The following IFT122 variants were observed in gnomAD, a reference collection of about 807,000 sequenced individuals.
IFT122 encodes the protein intraflagellar transport 122, also known as intraflagellar transport protein 122 homolog.
A neutral mutation model predicts 161.6 loss-of-function variants in IFT122; 118 were observed. The ratio of observed to expected loss-of-function variants is 0.73; its 90% confidence interval spans 0.63 to 0.85. IFT122 has a LOEUF of 0.85. Ranked by LOEUF, IFT122 falls within the 40% of genes least tolerant of loss-of-function variation. The probability of loss-of-function intolerance (pLI) is 0.00; values close to 1 mark genes in which losing one functional copy is unlikely to be tolerated. For synonymous variants in IFT122, 550 were observed against 602.4 expected, an observed-to-expected ratio of 0.91 and a Z score of 1.27; for missense variants, 1,381 against 1,579.6, an observed-to-expected ratio of 0.87 and a Z score of 2.13.
At chr3:129,452,536 C>T (rs2074970381) in intron 3 of IFT122, among the ~76,000 whole-genome samples, 1 of 151,964 alleles carries the variant, frequency 6.6e-6, no homozygotes, top group Non-Finnish European at 1.5e-5. Flanking sequence ...CAGTGGGCAT[C>T]GGGGGGAAGA....
At chr3:129,477,923 A>C in intron 11 of IFT122, 93 bp from the exon 12 acceptor site, 11 of 951,138 alleles carry the variant, frequency 1.2e-5, no homozygotes, top group African/African-American at 1.6e-5. Context: ...TTTAATTGCC[A>C]GTAGCGCTAA....
chr3:129,509,494 C>T (rs541225539), intron 23 of IFT122, among the ~76,000 whole-genome samples: 2 of 152,260 alleles, frequency 1.3e-5, no homozygotes, highest in South Asian at 2.1e-4. Flanking sequence ...AATGCGTTGT[C>T]GATGTTACGA....
chr3:129,481,586 A>G lies in IFT122; in HGVS notation c.1545A>G (p.Thr515=). The G allele has an allele frequency of 1.3e-6, 2 of 1,585,622 alleles. No individual in the cohort carries two copies. The highest frequency in any genetic ancestry group is 2.2e-5 in the East Asian group (1 of 44,732). The change falls in exon 14 of 30, where the codon ACA becomes ACG. Residue 515 remains threonine, a synonymous_variant. Coordinates refer to ENST00000348417, the MANE Select transcript of IFT122 (RefSeq NM_052989.3). Reference sequence around the variant, plus strand: ...CTATCGTCCTGCTGAAGCAGGCCACAGCTGTGCGCTGCTTGGACATGAGTG... The same window carrying G: ...CTATCGTCCTGCTGAAGCAGGCCACGGCTGTGCGCTGCTTGGACATGAGTG... ...LFAIVLLKQA[T]AVRCLDMSAS... is the part of the protein sequence containing the mutation.
chr3:129,516,307 C>G (rs558623841), intron 26 of IFT122, among the ~76,000 whole-genome samples: 1,300 of 119,148 alleles, frequency 0.011, 11 homozygotes, highest in Non-Finnish European at 0.014. Flanking sequence ...CACACACACA[C>G]AGAGACTGCC....
chr3:129,448,316 A>G (rs1202568025), intron 1 of IFT122, among the ~76,000 whole-genome samples: 3 of 152,216 alleles, frequency 2.0e-5, no homozygotes, highest in Non-Finnish European at 4.4e-5. Context: ...CGAAAAAATG[A>G]GTTGCCACCT....
chr3:129,481,160 T>C (rs1346364138), intron 13 of IFT122, among the ~76,000 whole-genome samples: 1 of 152,180 alleles, frequency 6.6e-6, no homozygotes, highest in Non-Finnish European at 1.5e-5. Flanking sequence ...GTCTTGTCAG[T>C]GTTCATAGTA....
At chr3:129,466,792 T>C in intron 7 of IFT122, 98 bp from the exon 8 acceptor site, 3 of 1,183,736 alleles carry the variant, frequency 2.5e-6, no homozygotes, top group South Asian at 2.4e-5. Flanking sequence ...CGTGAGTCAC[T>C]GCACCTGGCC....
At position 129,475,060 on chromosome 3, in the gene IFT122, G is replaced by A. The variant is rs143880220; in HGVS notation, c.817-1255G>A. On this transcript the variant is annotated intron_variant, in intron 9 of 29. Coordinates refer to ENST00000348417, the MANE Select transcript of IFT122 (RefSeq NM_052989.3). ...GTCCCAGCTACTGGGGGTGGTGAGG[G>A]GCTGAGGCAGAGGAATTGAGCCCAG... is the stretch of plus-strand genomic sequence containing the variant. 5.2e-3 allele frequency among the ~76,000 whole-genome samples: 796 copies of A among 152,232 alleles called. 3 individuals are homozygous for A. Among genetic ancestry groups the A allele is most frequent in the South Asian group, 0.012 (56 of 4,822 alleles).
intron 20 of IFT122, chr3:129,503,916 C>T (rs1272320424): frequency 2.1e-5 from 7 of 333,650 alleles, no homozygotes; most frequent in Non-Finnish European, 4.1e-5. Flanking sequence ...ACGAAGCCCA[C>T]AGTCATCTTT....
At chr3:129,519,441 A>G in intron 28 of IFT122, 127 bp from the exon 29 acceptor site, 1 of 1,323,618 alleles carries the variant, frequency 7.6e-7, no homozygotes, top group Non-Finnish European at 1.0e-6. Context: ...TGCCACTGTT[A>G]GGGTCACCTG....
At chr3:129,441,381 T>A (rs2073078965) in intron 1 of IFT122, among the ~76,000 whole-genome samples, 1 of 152,192 alleles carries the variant, frequency 6.6e-6, no homozygotes, top group Non-Finnish European at 1.5e-5. Context: ...GCACTAGTGG[T>A]AGCTGACACT....
chr3:129,472,971 T>C (rs1467597921), intron 9 of IFT122, among the ~76,000 whole-genome samples: 1 of 152,234 alleles, frequency 6.6e-6, no homozygotes, highest in Non-Finnish European at 1.5e-5. Context: ...TATTTTTCTT[T>C]ATAGCCTTAA....
chr3:129,455,993 T>A (rs1304189827), intron 3 of IFT122: 2 of 386,448 alleles, frequency 5.2e-6, no homozygotes, highest in Non-Finnish European at 5.3e-6. Context: ...AAAAGTGGAC[T>A]CATGTAGTTA....
At chr3:129,449,841 A>G (rs1350337847) in intron 1 of IFT122, 30 bp from the exon 2 acceptor site, 8 of 1,535,244 alleles carry the variant, frequency 5.2e-6, no homozygotes, top group Admixed American at 1.7e-5. Context: ...TTTGGTTCCT[A>G]ATTGTCTTTT....
intron 5 of IFT122, chr3:129,461,559 G>C (rs1429086065): frequency 1.9e-6 from 1 of 514,720 alleles, no homozygotes; most frequent in Non-Finnish European, 3.5e-6. Flanking sequence ...ACAAGATTGG[G>C]AGGGCACAGG....
At chr3:129,461,434 AG>A (rs1349872428) in intron 5 of IFT122, 130 bp downstream of exon 5, 2 of 745,172 alleles carry the variant, frequency 2.7e-6, no homozygotes, top group Non-Finnish European at 4.9e-6. Flanking sequence ...TCAATGGCTG[AG>A]GGGAGGCTGA....
At chr3:129,458,340 A>G (rs1453491072) in intron 3 of IFT122, among the ~76,000 whole-genome samples, 1 of 152,184 alleles carries the variant, frequency 6.6e-6, no homozygotes, top group Non-Finnish European at 1.5e-5. Context: ...TGTTTTAATC[A>G]TTACTTAATC....
chr3:129,516,578 CAGAG>C (rs762952329), intron 26 of IFT122, among the ~76,000 whole-genome samples: 17 of 119,894 alleles, frequency 1.4e-4, no homozygotes, highest in Non-Finnish European at 2.7e-4. Context: ...CACACACACA[CAGAG>C]AGACTGCCCC....
chr3:129,504,740 G>T (rs2082009320), intron 21 of IFT122, among the ~76,000 whole-genome samples: 1 of 152,166 alleles, frequency 6.6e-6, no homozygotes, highest in African/African-American at 2.4e-5. Flanking sequence ...ACAGCCCTAT[G>T]GTATAGCTAC....
Sources: gnomAD v4.1 joint callset for allele counts (sites outside exome capture counted in the v4.1 genomes callset) on GRCh38, gnomAD v4.1.1 for gene constraint, MANE v1.5 for transcripts, NCBI Gene and HGNC (gene_info 2026-07-23, HGNC 2026-07-21) for gene names.